The following WASF3 variants were observed in gnomAD, a reference collection of about 807,000 sequenced individuals.
The protein encoded by WASF3 is actin-binding protein WASF3.
WASF3 carries 11 observed loss-of-function variants against 46.6 expected under a neutral mutation model. The observed-to-expected ratio is 0.24, with a 90% CI of 0.15 to 0.39. The LOEUF is 0.39. Ranked by LOEUF, WASF3 falls within the 10% of genes least tolerant of loss-of-function variation. WASF3 has a pLI of 1.00. For synonymous variants in WASF3, 242 were observed against 259.7 expected, an observed-to-expected ratio of 0.93 and a Z score of 0.65; for missense variants, 576 against 669.8, an observed-to-expected ratio of 0.86 and a Z score of 1.55.
At chr13:26,634,045 T>G (rs1230469830) in intron 2 of WASF3, among the ~76,000 whole-genome samples, 1 of 152,190 alleles carries the variant, frequency 6.6e-6, no homozygotes, top group Non-Finnish European at 1.5e-5. Flanking sequence ...TGGATATCCT[T>G]GTTAACCTTC....
chr13:26,568,014 C>A (rs1879523048), intron 1 of WASF3, among the ~76,000 whole-genome samples: 1 of 151,658 alleles, frequency 6.6e-6, no homozygotes, highest in African/African-American at 2.4e-5. Context: ...AGCAAGTGCC[C>A]CCTTGAGATA....
chr13:26,626,884 CA>C (rs922307379), intron 2 of WASF3, among the ~76,000 whole-genome samples: 2 of 152,158 alleles, frequency 1.3e-5, no homozygotes, highest in Non-Finnish European at 2.9e-5. Context: ...TGATAGAACT[CA>C]GGGGAGAAGT....
rs1297339553 is a variant in WASF3 at position 26,682,640 on chromosome 13, C to T, written c.1017C>T (p.Asn339=). 6.2e-7 allele frequency: 1 copy of T among 1,614,200 alleles called. No homozygotes were observed. Among genetic ancestry groups the T allele is most frequent in the Non-Finnish European group, 8.5e-7 (1 of 1,180,040 alleles). The change falls in exon 9 of 10, where the codon AAC becomes AAT. Residue 339 remains asparagine (N), a synonymous_variant. Coordinates refer to ENST00000335327, the MANE Select transcript of WASF3 (RefSeq NM_006646.6). The surrounding 1 kb of genome is among the most constrained non-coding windows in gnomAD (Gnocchi z 4.4). ...MLPAQIIEYY[N]PSGPPPPPPP... Reference sequence around the variant, plus strand: ...CAGCGCAGATAATTGAGTATTACAACCCATCCGGACCACCTCCTCCGCCAC... The same window carrying T: ...CAGCGCAGATAATTGAGTATTACAATCCATCCGGACCACCTCCTCCGCCAC...
chr13:26,639,397 T>A (rs932360130), intron 2 of WASF3, among the ~76,000 whole-genome samples: 11 of 152,228 alleles, frequency 7.2e-5, no homozygotes, highest in African/African-American at 2.4e-4. Flanking sequence ...GAAATATATA[T>A]GTAAATGTCT....
upstream of WASF3, among the ~76,000 whole-genome samples, chr13:26,553,545 C>T (rs148307391): frequency 5.3e-5 from 8 of 152,170 alleles, no homozygotes; most frequent in South Asian, 1.5e-3. Flanking sequence ...AGGCCGGGCA[C>T]GGTGGCTCAC....
At chr13:26,572,118 A>T (rs538537381) in intron 1 of WASF3, among the ~76,000 whole-genome samples, 1 of 152,290 alleles carries the variant, frequency 6.6e-6, no homozygotes, top group Admixed American at 6.5e-5. Flanking sequence ...AGGTTTACTA[A>T]CATGTCATCA....
At chr13:26,563,654 CAAAA>C (rs34374716) in intron 1 of WASF3, among the ~76,000 whole-genome samples, 4 of 47,034 alleles carry the variant, frequency 8.5e-5, no homozygotes, top group Admixed American at 6.1e-4. Flanking sequence ...GACTCCATCT[CAAAA>C]AAAAAAAAAA....
At chr13:26,616,087 A>C (rs1881125477) in intron 2 of WASF3, among the ~76,000 whole-genome samples, 1 of 152,218 alleles carries the variant, frequency 6.6e-6, no homozygotes, top group Non-Finnish European at 1.5e-5. Context: ...TTCATATACA[A>C]GTCTTTATGT....
intron 1 of WASF3, among the ~76,000 whole-genome samples, chr13:26,590,228 G>GC (rs145930293): frequency 0.035 from 5,265 of 151,888 alleles, 316 homozygotes; most frequent in African/African-American, 0.12. Flanking sequence ...CTGCTGAGAG[G>GC]CCCCCCCAAC....
chr13:26,683,831 C>G (rs1026325390), intron 9 of WASF3, among the ~76,000 whole-genome samples: 3 of 152,182 alleles, frequency 2.0e-5, no homozygotes, highest in African/African-American at 7.2e-5. Context: ...CCTCGCCTGT[C>G]TTGGGCTGCC....
At position 26,685,744 on chromosome 13, in the gene WASF3, G is replaced by C. The variant is rs139628904; in HGVS notation, c.1408G>C (p.Val470Leu). ...GGAGCAGGAGGCCAAGCGGGAGCCA[G>C]TGGGGAATGACGTGGCCACGATCCT... The part of the protein sequence containing the change: ...QREQEAKREP[V>L]GNDVATILSR... The change falls in exon 10 of 10, where the codon GTG becomes CTG. Residue 470 changes from valine to leucine, a missense_variant. Coordinates refer to ENST00000335327, the MANE Select transcript of WASF3 (RefSeq NM_006646.6). 14 of 1,614,138 alleles carry C rather than the reference G, an allele frequency of 8.7e-6. No homozygotes were observed. In the African/African-American group the frequency reaches 1.7e-4, roughly 20 times the overall value.
chr13:26,540,381 G>A, the WASF3 span, among the ~76,000 whole-genome samples: 4 of 152,166 alleles, frequency 2.6e-5, no homozygotes, highest in African/African-American at 9.7e-5. Context: ...GGAGACCCTG[G>A]CAGGAAGGCC....
chr13:26,588,764 G>T (rs1254992759), intron 1 of WASF3, among the ~76,000 whole-genome samples: 1 of 151,990 alleles, frequency 6.6e-6, no homozygotes, highest in African/African-American at 2.4e-5. Context: ...AAGTTAAAAT[G>T]GTATGGCATT....
chr13:26,557,549 C>A (rs910353213), upstream of WASF3, among the ~76,000 whole-genome samples: 1 of 152,136 alleles, frequency 6.6e-6, no homozygotes. Context: ...CGCTCGCCGG[C>A]TCCCTATTGG....
intron 1 of WASF3, chr13:26,577,486 C>G: frequency 9.7e-6 from 11 of 1,135,132 alleles, no homozygotes; most frequent in Non-Finnish European, 1.5e-5. Flanking sequence ...AAAAGACTTG[C>G]CAATCCATTT....
At chr13:26,548,770 C>A in the WASF3 span, among the ~76,000 whole-genome samples, 1 of 152,298 alleles carries the variant, frequency 6.6e-6, no homozygotes, top group South Asian at 2.1e-4. Context: ...CAGCTTCTCC[C>A]CAACTGTACC....
the WASF3 span, among the ~76,000 whole-genome samples, chr13:26,549,765 A>G: frequency 1.8e-3 from 272 of 152,366 alleles, 1 homozygote; most frequent in Non-Finnish European, 2.8e-3. Context: ...AAGCCATTGC[A>G]TAAATAACCC....
At chr13:26,557,881 C>T (rs1195890055) in intron 1 of WASF3, 62 bp downstream of exon 1, 4 of 293,702 alleles carry the variant, frequency 1.4e-5, no homozygotes, top group Non-Finnish European at 2.5e-5. Context: ...CTCTCGGCTC[C>T]GGGCCGGGCG....
At chr13:26,604,758 A>G (rs1354468667) in intron 1 of WASF3, among the ~76,000 whole-genome samples, 1 of 152,148 alleles carries the variant, frequency 6.6e-6, no homozygotes, top group African/African-American at 2.4e-5. Context: ...GGGCAAGAAA[A>G]TCTTTTTACT....
Sources: gnomAD v4.1 joint callset for allele counts (sites outside exome capture counted in the v4.1 genomes callset) on GRCh38, gnomAD v4.1.1 for gene constraint, Gnocchi (gnomAD v3.1) non-coding constraint, MANE v1.5 for transcripts, NCBI Gene and HGNC (gene_info 2026-07-23, HGNC 2026-07-21) for gene names.